PCGF3: variants seen among roughly 807,000 people sequenced by gnomAD.
PCGF3 encodes polycomb group RING finger protein 3.
In PCGF3, 7 loss-of-function variants were observed where a neutral mutation model predicts 33.1. That is an observed-to-expected ratio of 0.21 (90% confidence interval 0.12 to 0.40). The LOEUF (loss-of-function observed/expected upper bound fraction) is 0.40. Ranked by LOEUF, PCGF3 falls within the 10% of genes least tolerant of loss-of-function variation. The pLI, the probability that PCGF3 is intolerant of heterozygous loss-of-function variation, is 1.00. For synonymous variants in PCGF3, 153 were observed against 121.3 expected, an observed-to-expected ratio of 1.26 and a Z score of -1.72; for missense variants, 211 against 313.3, an observed-to-expected ratio of 0.67 and a Z score of 2.46.
chr4:727,883 G>A (rs1362633815), intron 1 of PCGF3, among the ~76,000 whole-genome samples: 2 of 152,194 alleles, frequency 1.3e-5, no homozygotes, highest in Admixed American at 1.3e-4. Context: ...TTAGTTCTCT[G>A]AGAAGAGTAT....
chr4:764,081 C>T (rs182534501), intron 9 of PCGF3, among the ~76,000 whole-genome samples: 30 of 152,056 alleles, frequency 2.0e-4, no homozygotes, highest in East Asian at 9.7e-4. Flanking sequence ...TCCTGGGCGG[C>T]GATGCTGCTG....
chr4:738,310 C>T (rs991154800), intron 6 of PCGF3, among the ~76,000 whole-genome samples: 4 of 152,246 alleles, frequency 2.6e-5, no homozygotes, highest in Non-Finnish European at 4.4e-5. Context: ...CTGTTAGAGG[C>T]TTCTTCCCTA....
At chr4:707,641 A>G (rs1409395296) in intron 1 of PCGF3, among the ~76,000 whole-genome samples, 3 of 121,882 alleles carry the variant, frequency 2.5e-5, no homozygotes, top group Admixed American at 7.8e-5. Context: ...GGACCCTGGG[A>G]CAGCCCTGTT....
chr4:763,072 C>A (rs1445156719), intron 9 of PCGF3, among the ~76,000 whole-genome samples: 3 of 151,486 alleles, frequency 2.0e-5, no homozygotes, highest in Admixed American at 2.0e-4. Flanking sequence ...ACGGACAGCA[C>A]ACCGGGGTTG....
At position 735,946 on chromosome 4, in the gene PCGF3, C is replaced by T. The variant is rs528360146; in HGVS notation, c.206+919C>T. On this transcript the variant is annotated intron_variant, in intron 5 of 10. Transcript: ENST00000362003. ...GGGTTGCTCCAAAGGAAGGGAAATG[C>T]TCCCCGTACCATGAGGGTAGTAGAG... Among the ~76,000 whole-genome samples, 363 of 152,340 alleles carry T rather than the reference C, an allele frequency of 2.4e-3. 1 individual carries two copies. Among genetic ancestry groups the T allele is most frequent in the Non-Finnish European group, 4.0e-3 (273 of 68,034 alleles).
chr4:760,531 G>C (rs1483981928), intron 8 of PCGF3, among the ~76,000 whole-genome samples: 2 of 152,056 alleles, frequency 1.3e-5, no homozygotes, highest in African/African-American at 4.8e-5. Flanking sequence ...CCTCCCTTTT[G>C]TATCTTTTGT....
rs201520534 is a variant in PCGF3, at chr4:761,435, G to T, written c.600+19G>T. ...TAACGAGGTAACAGTTGATCCCTAA[G>T]TAGAAACCATAACAAGTCCTCTCTT... is the stretch of plus-strand genomic sequence containing the variant. On this transcript the variant is annotated intron_variant, in intron 9 of 10. Transcript: ENST00000362003. 1 of 1,574,076 alleles carries T rather than the reference G, an allele frequency of 6.4e-7. No homozygotes were observed. The highest frequency in any genetic ancestry group is 8.6e-7 in the Non-Finnish European group (1 of 1,157,306).
intron 8 of PCGF3, among the ~76,000 whole-genome samples, 160 bp from the exon 9 acceptor site, chr4:761,119 T>G (rs547275019): frequency 3.9e-4 from 59 of 152,344 alleles, no homozygotes; most frequent in African/African-American, 1.4e-3. Context: ...ATAAGGTATG[T>G]AAGATTCTTT....
chr4:713,563 A>T (rs867414890), intron 1 of PCGF3, among the ~76,000 whole-genome samples: 1 of 72,220 alleles, frequency 1.4e-5, no homozygotes, highest in Non-Finnish European at 3.3e-5. Context: ...CTGTGGCCTC[A>T]TGGATCCTGT....
chr4:738,673 C>T (rs1228093789), intron 6 of PCGF3, among the ~76,000 whole-genome samples: 2 of 141,436 alleles, frequency 1.4e-5, no homozygotes, highest in Non-Finnish European at 3.0e-5. Context: ...CATAGTGAAA[C>T]CCTGTCTCTA....
intron 1 of PCGF3, among the ~76,000 whole-genome samples, chr4:723,076 G>A (rs548891517): frequency 1.0e-4 from 14 of 136,664 alleles, no homozygotes; most frequent in South Asian, 2.3e-4. Context: ...CCACACTCGC[G>A]TCATCGCCCA....
At chr4:761,345 T>A in exon 9 of PCGF3, 1 of 1,611,738 alleles carries the variant, frequency 6.2e-7, no homozygotes, top group Non-Finnish European at 8.5e-7. Flanking sequence ...GATCCGCTGC[T>A]CAGCCCAGGC....
chr4:758,461 G>A (rs1454364789), intron 8 of PCGF3, among the ~76,000 whole-genome samples: 29 of 126,284 alleles, frequency 2.3e-4, no homozygotes, highest in African/African-American at 8.9e-4. Flanking sequence ...CGGACTCCGG[G>A]TCTTTCTTCC....
chr4:721,458 A>G lies in PCGF3; in HGVS notation c.-189-9172A>G, dbSNP rs567792239. On this transcript the variant is annotated intron_variant, in intron 1 of 10. Coordinates refer to ENST00000362003, the Ensembl canonical transcript of PCGF3. The surrounding 1 kb of genome is among the most constrained non-coding windows in gnomAD (Gnocchi z 4.1). ...GGCTGGGCAGTCAGCCAGACGGGAA[A>G]GGGGGCTGAGGCGTCCAGGCTGCAG... 6.6e-5 allele frequency among the ~76,000 whole-genome samples: 10 copies of G among 152,242 alleles called. No individual in the cohort carries two copies. Among genetic ancestry groups the G allele is most frequent in the Admixed American group, 6.5e-4 (10 of 15,296 alleles).
chr4:762,208 A>AT (rs750765100), intron 9 of PCGF3: 71 of 554,186 alleles, frequency 1.3e-4, no homozygotes, highest in Middle Eastern at 1.8e-3. Context: ...TAAATAAAGG[A>AT]TTTTGGGATG....
intron 1 of PCGF3, among the ~76,000 whole-genome samples, chr4:729,099 CAAAAAAAAAAAAAA>C (rs34927260): frequency 1.7e-4 from 7 of 40,252 alleles, no homozygotes; most frequent in Non-Finnish European, 2.8e-4. Flanking sequence ...GACTCCATCT[CAAAAAAAAAAAAAA>C]AAAAAAAAAA....
At chr4:726,863 C>T (rs942839008) in intron 1 of PCGF3, among the ~76,000 whole-genome samples, 8 of 152,172 alleles carry the variant, frequency 5.3e-5, no homozygotes, top group Non-Finnish European at 5.9e-5. Context: ...ATGGACTTGC[C>T]GGCAGTGCTG....
rs998815262 is a variant in PCGF3, at chr4:764,909, T to C, written c.601-75T>C. ...GATTGGGGAGGGGCTGCAGATTTCATACCAGCATCAAGGTGGCCATGTCAG... is the reference window on the plus strand; with the variant it reads ...GATTGGGGAGGGGCTGCAGATTTCACACCAGCATCAAGGTGGCCATGTCAG... On this transcript the variant is annotated intron_variant, in intron 9 of 10. Coordinates refer to ENST00000362003, the Ensembl canonical transcript of PCGF3. 68 of 976,852 alleles carry C rather than the reference T, an allele frequency of 7.0e-5. No homozygotes were observed. The Admixed American group carries it at 1.2e-3, about 18-fold the overall frequency. 60.5% of individuals were successfully genotyped at this position (976,852 alleles called of 1,614,324 possible). A position where few individuals can be genotyped will look rare whatever the true frequency, so the allele number is the denominator to read the frequency against.
chr4:757,031 T>C (rs1446503591), intron 8 of PCGF3: 1 of 152,260 alleles, frequency 6.6e-6, no homozygotes, highest in African/African-American at 2.4e-5. Context: ...GTTAGTATTA[T>C]TGAAAAGGTT....
Sources: allele counts gnomAD v4.1 joint callset (sites outside exome capture counted in the v4.1 genomes callset), GRCh38; gene constraint gnomAD v4.1.1; non-coding constraint Gnocchi (gnomAD v3.1); transcripts MANE v1.5; gene names NCBI Gene and HGNC (gene_info 2026-07-23, HGNC 2026-07-21).